Variants in CNTN5 observed in about 807,000 individuals in gnomAD.
The protein encoded by CNTN5 is contactin 5.
A neutral mutation model predicts 129.1 loss-of-function variants in CNTN5; 77 were observed. That is an observed-to-expected ratio of 0.60 (90% CI 0.50 to 0.72). The LOEUF is 0.72. Ranked by LOEUF, CNTN5 falls within the 30% of genes least tolerant of loss-of-function variation. The pLI is 0.00. For missense variants in CNTN5, 1,478 were observed against 1,328.8 expected (o/e 1.11, Z -1.75); for synonymous variants, 509 against 465.6 (o/e 1.09, Z -1.20).
chr11:99,197,300 T>C (rs931497742), intron 1 of CNTN5, among the ~76,000 whole-genome samples: 16 of 152,060 alleles, frequency 1.1e-4, no homozygotes, highest in African/African-American at 3.6e-4. Context: ...GATACTTAAA[T>C]AGATGTTGAA....
chr11:99,787,607 C>T (rs530581487), intron 3 of CNTN5, among the ~76,000 whole-genome samples: 3 of 151,026 alleles, frequency 2.0e-5, no homozygotes, highest in Admixed American at 2.0e-4. Flanking sequence ...TGCCAGTAAG[C>T]TGAAGAAGAA....
chr11:99,129,612 A>C (rs1858828483), intron 1 of CNTN5, among the ~76,000 whole-genome samples: 1 of 152,106 alleles, frequency 6.6e-6, no homozygotes, highest in South Asian at 2.1e-4. Context: ...AATCCAGAGA[A>C]ACCCAGTAAG....
intron 13 of CNTN5, among the ~76,000 whole-genome samples, chr11:100,109,424 T>TA (rs1738665701): frequency 3.3e-5 from 5 of 152,284 alleles, no homozygotes; most frequent in African/African-American, 1.2e-4. Flanking sequence ...AGACTTCATC[T>TA]AAAACAAGAC....
At chr11:99,692,508 T>C (rs1954081308) in intron 3 of CNTN5, among the ~76,000 whole-genome samples, 1 of 152,154 alleles carries the variant, frequency 6.6e-6, no homozygotes, top group Non-Finnish European at 1.5e-5. Context: ...TTTTGCAAGA[T>C]ATGATATTCA....
In CNTN5 at chr11:100,061,310, A is replaced by G. The variant is rs1161523433; in HGVS notation, c.1079A>G (p.Gln360Arg). The change falls in exon 10 of 25, where the codon CAG becomes CGG. Residue 360 changes from glutamine (Q) to arginine (R), a missense_variant. Transcript: ENST00000524871. ...GCGGTGCTGGAAATACCGAATGTACAGCTGGATGATGCAGGCATTTATGAG... is the reference window on the plus strand; with the variant it reads ...GCGGTGCTGGAAATACCGAATGTACGGCTGGATGATGCAGGCATTTATGAG... ...SQAVLEIPNV[Q>R]LDDAGIYECR... The G allele has an allele frequency of 6.2e-7, 1 of 1,613,718 alleles. No individual in the cohort carries two copies. The highest frequency in any genetic ancestry group is 2.2e-5 in the East Asian group (1 of 44,866).
intron 13 of CNTN5, among the ~76,000 whole-genome samples, chr11:100,162,045 T>C (rs1947473510): frequency 6.6e-6 from 1 of 151,712 alleles, no homozygotes; most frequent in African/African-American, 2.4e-5. Flanking sequence ...AGACAGCCAT[T>C]CATTCGTCCA....
In CNTN5 at chr11:99,109,738, A is replaced by C. The variant is rs1223600529; in HGVS notation, c.-210+88468A>C. On this transcript the variant is annotated intron_variant, in intron 1 of 24. Transcript: ENST00000524871. The stretch of plus-strand genomic sequence containing the variant: ...TAGGCACAATGGCTTCCAGTAAAAC[A>C]TAGTCTGCATTGCTTATATGTAAAA... Among the ~76,000 whole-genome samples, 5 of 152,304 alleles carry C rather than the reference A, an allele frequency of 3.3e-5. No individual in the cohort carries two copies. The East Asian group carries it at 7.7e-4, about 23-fold the overall frequency.
intron 13 of CNTN5, among the ~76,000 whole-genome samples, chr11:100,151,926 C>T (rs1947074319): frequency 6.6e-6 from 1 of 151,630 alleles, no homozygotes; most frequent in East Asian, 2.1e-4. Flanking sequence ...AGTCCTCTGG[C>T]CTCAGTTCTG....
Position 100,035,018 on chromosome 11 carries a change from C to T in CNTN5, c.981-26194C>T, listed in dbSNP as rs867136699. Among the ~76,000 whole-genome samples, 84 of 151,948 alleles carry T rather than the reference C, an allele frequency of 5.5e-4. No homozygotes were observed. The Middle Eastern group carries it at 0.017, about 31-fold the overall frequency. ...TAAGTTTTAGGGTACATGTGCGCAA[C>T]GTGCAGGTTTGTTACATATGGATCC... is the stretch of plus-strand genomic sequence containing the variant. On this transcript the variant is annotated intron_variant, in intron 9 of 24. Transcript: ENST00000524871.
intron 13 of CNTN5, among the ~76,000 whole-genome samples, chr11:100,159,893 A>C (rs1947383318): frequency 6.6e-6 from 1 of 151,870 alleles, no homozygotes; most frequent in South Asian, 2.1e-4. Flanking sequence ...TTTTTTAAGT[A>C]CTGTGAAGTG....
At chr11:99,547,107 G>A (rs1328342366) in intron 2 of CNTN5, among the ~76,000 whole-genome samples, 2 of 150,450 alleles carry the variant, frequency 1.3e-5, no homozygotes, top group Admixed American at 6.7e-5. Context: ...GGGTTCAAGC[G>A]ATTCTCCTGC....
chr11:99,441,657 A>G (rs74391175), intron 2 of CNTN5, among the ~76,000 whole-genome samples: 1 of 152,218 alleles, frequency 6.6e-6, no homozygotes, highest in African/African-American at 2.4e-5. Flanking sequence ...GACTCAAAAT[A>G]GGAATTGATG....
chr11:99,240,566 C>T (rs1283563695), intron 1 of CNTN5, among the ~76,000 whole-genome samples: 2 of 152,082 alleles, frequency 1.3e-5, no homozygotes, highest in African/African-American at 4.8e-5. Flanking sequence ...CCTCTCTCTC[C>T]CCTTCATCTT....
At chr11:99,614,182 T>C (rs1178234771) in intron 3 of CNTN5, among the ~76,000 whole-genome samples, 1 of 152,240 alleles carries the variant, frequency 6.6e-6, no homozygotes, top group East Asian at 1.9e-4. Context: ...TTATTTCATA[T>C]AGGTATTACA....
chr11:100,062,198 C>T (rs1239390301), intron 10 of CNTN5, among the ~76,000 whole-genome samples: 1 of 152,134 alleles, frequency 6.6e-6, no homozygotes, highest in Non-Finnish European at 1.5e-5. Flanking sequence ...TAGGCTAGAG[C>T]ATTGAAATAA....
chr11:99,441,651 C>T (rs1369646931), intron 2 of CNTN5, among the ~76,000 whole-genome samples: 5 of 152,030 alleles, frequency 3.3e-5, no homozygotes, highest in Non-Finnish European at 7.4e-5. Flanking sequence ...GAGGTTGACT[C>T]AAAATAGGAA....
chr11:100,055,626 C>T (rs1349072155), intron 9 of CNTN5, among the ~76,000 whole-genome samples: 2 of 151,414 alleles, frequency 1.3e-5, no homozygotes, highest in South Asian at 2.1e-4. Flanking sequence ...ACATCTTTTC[C>T]TGCTTCCATT....
At chr11:99,697,311 G>C (rs554548939) in intron 3 of CNTN5, among the ~76,000 whole-genome samples, 1 of 151,574 alleles carries the variant, frequency 6.6e-6, no homozygotes, top group East Asian at 1.9e-4. Flanking sequence ...GAGAGAAAAA[G>C]AGGGGGAGAG....
At chr11:99,784,195 G>T (rs1260791859) in intron 3 of CNTN5, among the ~76,000 whole-genome samples, 1 of 151,996 alleles carries the variant, frequency 6.6e-6, no homozygotes, top group Non-Finnish European at 1.5e-5. Flanking sequence ...TGCAGAATGC[G>T]CAGGTTTGTT....
Sources: gnomAD v4.1 joint callset for allele counts (sites outside exome capture counted in the v4.1 genomes callset) on GRCh38, gnomAD v4.1.1 for gene constraint, MANE v1.5 for transcripts, NCBI Gene and HGNC (gene_info 2026-07-23, HGNC 2026-07-21) for gene names.